The following ACADL variants were observed in gnomAD, a reference collection of about 807,000 sequenced individuals.
ACADL encodes the protein long-chain specific acyl-CoA dehydrogenase, mitochondrial.
Under a neutral mutation model 56.9 loss-of-function variants are expected in ACADL, and 60 were observed. The observed-to-expected ratio is 1.05, with a 90% CI of 0.86 to 1.31. ACADL has a LOEUF of 1.31. ACADL is among the 50% of genes most tolerant of loss of function. The pLI is 0.00. For missense variants in ACADL, 484 were observed against 525.5 expected (o/e 0.92, Z 0.77); for synonymous variants, 158 against 179.7 (o/e 0.88, Z 0.97).
intron 8 of ACADL, among the ~76,000 whole-genome samples, chr2:210,202,686 T>A (rs1295593835): frequency 6.6e-6 from 1 of 152,048 alleles, no homozygotes; most frequent in Non-Finnish European, 1.5e-5. Flanking sequence ...CGCATTCCCA[T>A]CCTAAAAATA....
At chr2:210,213,858 A>C (rs1689028822) in intron 4 of ACADL, among the ~76,000 whole-genome samples, 1 of 152,054 alleles carries the variant, frequency 6.6e-6, no homozygotes, top group Non-Finnish European at 1.5e-5. Flanking sequence ...TCTATATTCC[A>C]TATATCTTAT....
intron 9 of ACADL, among the ~76,000 whole-genome samples, chr2:210,194,693 C>A (rs1014131136): frequency 9.2e-5 from 14 of 152,064 alleles, no homozygotes; most frequent in Non-Finnish European, 1.6e-4. Context: ...TGGAAAGCAC[C>A]TTAAATAGAA....
intron 3 of ACADL, 38 bp from the exon 4 acceptor site, chr2:210,216,549 T>C: frequency 6.3e-7 from 1 of 1,582,694 alleles, no homozygotes; most frequent in African/African-American, 1.3e-5. Context: ...GAGCATAAAA[T>C]AGCAATAAAA....
At chr2:210,201,171 T>C (rs1382629952) in intron 8 of ACADL, among the ~76,000 whole-genome samples, 1 of 152,154 alleles carries the variant, frequency 6.6e-6, no homozygotes, top group Non-Finnish European at 1.5e-5. Flanking sequence ...CCTGTTCCTG[T>C]GTGATGACCT....
intron 1 of ACADL, among the ~76,000 whole-genome samples, 190 bp from the exon 2 acceptor site, chr2:210,220,992 C>G (rs1689168046): frequency 6.6e-6 from 1 of 152,104 alleles, no homozygotes; most frequent in African/African-American, 2.4e-5. Context: ...CCTCATGTAG[C>G]TGGAATTAAG....
intron 10 of ACADL, among the ~76,000 whole-genome samples, chr2:210,190,977 C>T (rs540302910): frequency 1.1e-4 from 16 of 147,716 alleles, no homozygotes; most frequent in East Asian, 2.1e-4. Flanking sequence ...AGTGCAGTGG[C>T]GCAATCTCGA....
chr2:210,214,509 A>AAGAAAGAAAGAAAGAAAAAG (rs1553690970), intron 4 of ACADL, among the ~76,000 whole-genome samples: 381 of 18,838 alleles, frequency 0.02, 1 homozygote, highest in African/African-American at 0.03. Context: ...GAAAGAAAGA[A>AAGAAAGAAAGAAAGAAAAAG]AAAGAAAGAA....
chr2:210,220,920 A>T (rs1689166471), intron 1 of ACADL, 118 bp from the exon 2 acceptor site: 1 of 849,348 alleles, frequency 1.2e-6, no homozygotes, highest in Non-Finnish European at 1.8e-6. Context: ...GCAAGTAGAA[A>T]GAGTTTGAAT....
At chr2:210,223,485 CA>C (rs1334625170) in intron 1 of ACADL, among the ~76,000 whole-genome samples, 1 of 152,136 alleles carries the variant, frequency 6.6e-6, no homozygotes, top group Non-Finnish European at 1.5e-5. Context: ...TGTATTTTAA[CA>C]AGATTCCCAG....
rs1040348151 is a variant in ACADL at position 210,197,947 on chromosome 2, G to A, written c.985-2609C>T. On this transcript the variant is annotated intron_variant, in intron 8 of 10. Coordinates refer to ENST00000233710, the MANE Select transcript of ACADL (RefSeq NM_001608.4). ...AAATATTTACATATTCTTGCCATTG[G>A]GTTGAGCGTTACTAAACAGATTTGG... Among the ~76,000 whole-genome samples, 8 of 152,058 alleles carry A rather than the reference G, an allele frequency of 5.3e-5. 1 individual carries two copies. In the South Asian group the frequency reaches 6.2e-4, roughly 12 times the overall value.
At position 210,220,817 on chromosome 2, in the gene ACADL, T is replaced by C; in HGVS notation, c.78-15A>G. ...AATGAGAACATCTTAAAAATATATATATGCAATAGGAAAAGTAAGTGAATT... is the reference window on the plus strand; with the variant it reads ...AATGAGAACATCTTAAAAATATATACATGCAATAGGAAAAGTAAGTGAATT... On this transcript the variant is annotated splice_polypyrimidine_tract_variant and intron_variant, in intron 1 of 10. Transcript: ENST00000233710. 2.5e-6 allele frequency: 4 copies of C among 1,569,216 alleles called. No individual in the cohort carries two copies. The highest frequency in any genetic ancestry group is 3.5e-6 in the Non-Finnish European group (4 of 1,151,640).
At chr2:210,219,331 G>GT (rs1237393343) in intron 2 of ACADL, among the ~76,000 whole-genome samples, 1 of 152,132 alleles carries the variant, frequency 6.6e-6, no homozygotes, top group African/African-American at 2.4e-5. Flanking sequence ...CGATGTGGTG[G>GT]TTCACACCTG....
At chr2:210,210,850 G>A (rs1000925926) in intron 4 of ACADL, among the ~76,000 whole-genome samples, 5 of 152,158 alleles carry the variant, frequency 3.3e-5, no homozygotes, top group Non-Finnish European at 7.3e-5. Context: ...GGAGGCAGAA[G>A]TGAGAGGATC....
In ACADL at chr2:210,216,529, A is replaced by T; in HGVS notation, c.372-18T>A. On this transcript the variant is annotated intron_variant, in intron 3 of 10. Transcript: ENST00000233710. The stretch of plus-strand genomic sequence containing the variant: ...AATAAGCTCTTAGAATGAAAAAAGA[A>T]GAAAAATTAGAGCATAAAATAGCAA... 1 of 1,606,424 alleles carries T rather than the reference A, an allele frequency of 6.2e-7. No homozygotes were observed. Among genetic ancestry groups the T allele is most frequent in the African/African-American group, 1.3e-5 (1 of 74,880 alleles).
chr2:210,193,156 T>G (rs1207521618), intron 9 of ACADL, among the ~76,000 whole-genome samples: 1 of 152,160 alleles, frequency 6.6e-6, no homozygotes, highest in Non-Finnish European at 1.5e-5. Context: ...AAAACTCAGA[T>G]GATTAGATTT....
rs771018271 is a variant in ACADL, at chr2:210,216,473, T to TATAG, written c.409_410insCTAT (p.His137ProfsTer20). On this transcript the variant is annotated frameshift_variant, in exon 4 of 11. Transcript: ENST00000233710. LOFTEE classifies it high-confidence loss of function. The stretch of plus-strand genomic sequence containing the variant: ...AATATAGGACATGACAATACCTGAA[T>TATAG]GAATACTAAAACCTGGGCCTGAACA... 6.2e-7 allele frequency: 1 copy of TATAG among 1,613,746 alleles called. No individual in the cohort carries two copies. Among genetic ancestry groups the TATAG allele is most frequent in the South Asian group, 1.1e-5 (1 of 91,070 alleles).
intron 2 of ACADL, among the ~76,000 whole-genome samples, chr2:210,219,433 C>T (rs538369532): frequency 2.0e-5 from 3 of 152,102 alleles, no homozygotes; most frequent in Non-Finnish European, 4.4e-5. Context: ...CCCTGCACTC[C>T]AGCCTTGGCA....
At chr2:210,216,299 T>TTAAG (rs746942085) in intron 4 of ACADL, 48 bp downstream of exon 4, 4 of 1,603,278 alleles carry the variant, frequency 2.5e-6, no homozygotes, top group Non-Finnish European at 3.4e-6. Flanking sequence ...TAAGAAAATG[T>TTAAG]TAAGGCACTG....
rs758660277 is a variant in ACADL, at chr2:210,225,212, C to A, written c.52G>T (p.Ala18Ser). The A allele has an allele frequency of 2.1e-5, 33 of 1,543,292 alleles. No homozygotes were observed. Among genetic ancestry groups the A allele is most frequent in the Non-Finnish European group, 2.8e-5 (32 of 1,150,406 alleles). ...GSLRVLGGHR[A>S]PRQLPAARCS... Reference sequence around the variant, plus strand: ...CGCGCGGCGGGCAGCTGGCGCGGCGCACGGTGGCCGCCCAGGACGCGTAGG... The same window carrying A: ...CGCGCGGCGGGCAGCTGGCGCGGCGAACGGTGGCCGCCCAGGACGCGTAGG... The change falls in exon 1 of 11, where the codon GCG becomes TCG. Residue 18 changes from alanine (A) to serine (S), a missense_variant. Physicochemically the swap from Ala to Ser is moderately conservative, Grantham distance 99. Transcript: ENST00000233710.
Sources: allele counts gnomAD v4.1 joint callset (sites outside exome capture counted in the v4.1 genomes callset), GRCh38; gene constraint gnomAD v4.1.1; transcripts MANE v1.5; gene names NCBI Gene and HGNC (gene_info 2026-07-23, HGNC 2026-07-21).